Variants in UNC13C observed in about 807,000 individuals in gnomAD.
UNC13C encodes the protein unc-13 homolog C.
A neutral mutation model predicts 245.4 loss-of-function variants in UNC13C; 174 were observed. The ratio of observed to expected loss-of-function variants is 0.71; its 90% CI spans 0.63 to 0.80. UNC13C has a LOEUF of 0.80. Ranked by LOEUF, UNC13C falls within the 30% of genes least tolerant of loss-of-function variation. UNC13C has a pLI of 0.00. For missense variants in UNC13C, 2,829 were observed against 2,602.9 expected (o/e 1.09, Z -1.89); for synonymous variants, 992 against 895.1 (o/e 1.11, Z -1.93).
At chr15:54,100,927 G>C (rs1900130437) in intron 2 of UNC13C, among the ~76,000 whole-genome samples, 1 of 151,754 alleles carries the variant, frequency 6.6e-6, no homozygotes, top group African/African-American at 2.4e-5. Flanking sequence ...CATTGACTGA[G>C]GTATAATATA....
chr15:53,838,638 T>C, the UNC13C span, among the ~76,000 whole-genome samples: 8 of 152,048 alleles, frequency 5.3e-5, no homozygotes, highest in South Asian at 2.1e-4. Context: ...TATTTATATA[T>C]CTTTTAATTT....
At chr15:54,523,596 T>C (rs1038896313) in intron 24 of UNC13C, among the ~76,000 whole-genome samples, 1 of 152,170 alleles carries the variant, frequency 6.6e-6, no homozygotes, top group Non-Finnish European at 1.5e-5. Flanking sequence ...TATAAGAAAA[T>C]AGCATAATTT....
At chr15:53,841,659 T>C in the UNC13C span, among the ~76,000 whole-genome samples, 3 of 152,206 alleles carry the variant, frequency 2.0e-5, no homozygotes, top group Non-Finnish European at 4.4e-5. Flanking sequence ...AGAAAGTTTA[T>C]GATTCTTGTT....
intron 4 of UNC13C, among the ~76,000 whole-genome samples, chr15:54,210,299 A>G (rs181774538): frequency 1.6e-4 from 24 of 150,304 alleles, no homozygotes; most frequent in African/African-American, 5.6e-4. Flanking sequence ...TGTTATTTAG[A>G]GTTATTTCTA....
At chr15:54,129,918 T>TG (rs66956390) in intron 2 of UNC13C, among the ~76,000 whole-genome samples, 6 of 16,792 alleles carry the variant, frequency 3.6e-4, no homozygotes, top group Non-Finnish European at 9.4e-4. Flanking sequence ...TTATAATGTG[T>TG]TTTTTTTTTA....
chr15:54,266,258 G>C (rs1410158034), intron 10 of UNC13C, among the ~76,000 whole-genome samples: 1 of 151,932 alleles, frequency 6.6e-6, no homozygotes, highest in African/African-American at 2.4e-5. Context: ...AGAGTTTCTT[G>C]CATATATGGC....
chr15:54,265,065 T>C (rs1263402150), intron 9 of UNC13C, among the ~76,000 whole-genome samples: 2 of 152,014 alleles, frequency 1.3e-5, no homozygotes, highest in African/African-American at 4.8e-5. Flanking sequence ...TCTTCCTCAT[T>C]CCTCTGTACA....
chr15:53,954,473 G>A, the UNC13C span, among the ~76,000 whole-genome samples: 5 of 152,176 alleles, frequency 3.3e-5, no homozygotes, highest in African/African-American at 4.8e-5. Flanking sequence ...GTGGAAAAGT[G>A]TTTTACACAA....
intron 8 of UNC13C, among the ~76,000 whole-genome samples, chr15:54,252,093 A>C (rs938320495): frequency 6.6e-6 from 1 of 152,208 alleles, no homozygotes; most frequent in African/African-American, 2.4e-5. Context: ...CAACTGTTTA[A>C]AAAGTGAATT....
In UNC13C at chr15:54,300,284, C is replaced by A. The variant is rs1408393121; in HGVS notation, c.4179C>A (p.Ala1393=). 1 of 1,594,488 alleles carries A rather than the reference C, an allele frequency of 6.3e-7. No individual in the cohort carries two copies. The highest frequency in any genetic ancestry group is 1.1e-5 in the South Asian group (1 of 87,750). ...VKIPEVKGDE[A]WKVFFDDASQ... ...TCCCAGAAGTCAAAGGGGATGAAGCCTGGAAGGTTTTCTTTGATGATGCTT... is the reference window on the plus strand; with the variant it reads ...TCCCAGAAGTCAAAGGGGATGAAGCATGGAAGGTTTTCTTTGATGATGCTT... Residue 1393 remains alanine (A), a synonymous_variant, in exon 13 of 33, where the codon GCC becomes GCA. Coordinates refer to ENST00000260323, the MANE Select transcript of UNC13C (RefSeq NM_001080534.3).
downstream of UNC13C, chr15:54,631,634 T>G (rs1344108037): frequency 2.6e-5 from 4 of 152,232 alleles, no homozygotes. Flanking sequence ...TAATTTCACT[T>G]AGCACAATGC....
At chr15:54,623,144 C>G (rs1900904066) in intron 31 of UNC13C, among the ~76,000 whole-genome samples, 1 of 152,058 alleles carries the variant, frequency 6.6e-6, no homozygotes, top group Non-Finnish European at 1.5e-5. Context: ...TTATAAGACA[C>G]TTCGCTTGAG....
intron 2 of UNC13C, among the ~76,000 whole-genome samples, chr15:54,093,986 T>G (rs977802529): frequency 8.6e-4 from 32 of 37,082 alleles, no homozygotes; most frequent in African/African-American, 3.2e-3. Flanking sequence ...TGGTGTGCAT[T>G]GAAACCTTTA....
At chr15:54,558,137 G>A (rs1218013647) in intron 29 of UNC13C, among the ~76,000 whole-genome samples, 2 of 151,994 alleles carry the variant, frequency 1.3e-5, no homozygotes, top group Non-Finnish European at 1.5e-5. Flanking sequence ...AGCATTGGGA[G>A]ATATACCTAA....
chr15:53,852,703 A>C, the UNC13C span, among the ~76,000 whole-genome samples: 4 of 152,120 alleles, frequency 2.6e-5, no homozygotes, highest in African/African-American at 4.8e-5. Context: ...TATCGTGTCC[A>C]TTCTGTCTCT....
At chr15:54,006,567 C>A (rs1029273659) in intron 1 of UNC13C, among the ~76,000 whole-genome samples, 1 of 152,184 alleles carries the variant, frequency 6.6e-6, no homozygotes, top group East Asian at 1.9e-4. Context: ...TCAGAGTCAT[C>A]CCTGTGATCA....
intron 19 of UNC13C, among the ~76,000 whole-genome samples, chr15:54,423,620 A>G (rs1168826821): frequency 6.6e-6 from 1 of 151,904 alleles, no homozygotes; most frequent in African/African-American, 2.4e-5. Flanking sequence ...GAGCATTTGA[A>G]AATAAAAATC....
intron 2 of UNC13C, among the ~76,000 whole-genome samples, chr15:54,137,800 T>A (rs982921118): frequency 6.6e-6 from 1 of 152,204 alleles, no homozygotes; most frequent in Non-Finnish European, 1.5e-5. Context: ...TTTTCCATTG[T>A]CATTGTAGTC....
intron 20 of UNC13C, among the ~76,000 whole-genome samples, chr15:54,495,110 C>G (rs185869257): frequency 1.3e-5 from 2 of 152,054 alleles, no homozygotes; most frequent in East Asian, 1.9e-4. Context: ...TTGTAACTCT[C>G]TTAGGAATTC....
Sources: gnomAD v4.1 joint callset for allele counts (sites outside exome capture counted in the v4.1 genomes callset) on GRCh38, gnomAD v4.1.1 for gene constraint, MANE v1.5 for transcripts, NCBI Gene and HGNC (gene_info 2026-07-23, HGNC 2026-07-21) for gene names.